The following CDADC1 variants were observed in gnomAD, a reference collection of about 807,000 sequenced individuals.
The protein encoded by CDADC1 is dCTP deaminase.
A neutral mutation model predicts 54.9 loss-of-function variants in CDADC1; 39 were observed. The ratio of observed to expected loss-of-function variants is 0.71; its 90% CI spans 0.55 to 0.93. The LOEUF is 0.93. CDADC1 is among the 40% of genes least tolerant of loss of function. CDADC1 has a pLI of 0.00. For missense variants in CDADC1, 518 were observed against 618.8 expected (o/e 0.84, Z 1.73); for synonymous variants, 186 against 204.0 (o/e 0.91, Z 0.75).
At chr13:49,264,719 TTAAA>T (rs1480628944) in intron 4 of CDADC1, among the ~76,000 whole-genome samples, 1 of 139,238 alleles carries the variant, frequency 7.2e-6, no homozygotes, top group Non-Finnish European at 1.6e-5. Flanking sequence ...TGGTCTCTAT[TTAAA>T]AAAAAAAAAA....
intron 8 of CDADC1, 144 bp from the exon 9 acceptor site, chr13:49,286,078 T>G: frequency 1.7e-6 from 1 of 602,552 alleles, no homozygotes; most frequent in South Asian, 2.3e-5. Context: ...CCTCCCAAAG[T>G]GCTGGGATTA....
chr13:49,265,203 A>G (rs1190929348), intron 4 of CDADC1, among the ~76,000 whole-genome samples: 2 of 152,232 alleles, frequency 1.3e-5, no homozygotes, highest in Non-Finnish European at 2.9e-5. Context: ...ATCTATTTTT[A>G]TAATTGTCAA....
intron 9 of CDADC1, 45 bp downstream of exon 9, chr13:49,286,327 G>T (rs772262138): frequency 7.5e-7 from 1 of 1,336,292 alleles, no homozygotes; most frequent in Admixed American, 1.7e-5. Context: ...TGAGGAGAAA[G>T]GATATACAGT....
chr13:49,266,681 AG>A (rs781294921), intron 4 of CDADC1, among the ~76,000 whole-genome samples: 2 of 152,102 alleles, frequency 1.3e-5, no homozygotes, highest in Non-Finnish European at 2.9e-5. Context: ...TTGGTCATTT[AG>A]GTTTTTGGGT....
chr13:49,282,236 G>GTTTTTTTTTTTTTTTTTTTTTTTTTT (rs759792512), intron 8 of CDADC1, among the ~76,000 whole-genome samples: 5 of 94,142 alleles, frequency 5.3e-5, no homozygotes, highest in East Asian at 3.5e-4. Context: ...GTTTTTGTGG[G>GTTTTTTTTTTTTTTTTTTTTTTTTTT]TTTTTTTTTT....
At chr13:49,253,837 G>A (rs1303778218) in intron 2 of CDADC1, among the ~76,000 whole-genome samples, 2 of 152,006 alleles carry the variant, frequency 1.3e-5, no homozygotes, top group Non-Finnish European at 1.5e-5. Context: ...ATGAGCCACC[G>A]CACCTAGCCT....
intron 3 of CDADC1, among the ~76,000 whole-genome samples, 190 bp downstream of exon 3, chr13:49,256,103 A>G (rs1952541538): frequency 6.7e-6 from 1 of 150,138 alleles, no homozygotes; most frequent in Admixed American, 6.7e-5. Context: ...AGATGGGATT[A>G]TTCTATGCTA....
intron 9 of CDADC1, among the ~76,000 whole-genome samples, chr13:49,290,303 C>T (rs1384045239): frequency 6.6e-6 from 1 of 151,916 alleles, no homozygotes; most frequent in Non-Finnish European, 1.5e-5. Flanking sequence ...CAGTTTTAAA[C>T]AAACTGTAAC....
intron 5 of CDADC1, among the ~76,000 whole-genome samples, chr13:49,271,882 T>A (rs1952973568): frequency 6.6e-6 from 1 of 152,200 alleles, no homozygotes; most frequent in African/African-American, 2.4e-5. Context: ...ATTATAGACA[T>A]GAAAAGATTT....
At chr13:49,253,251 G>C (rs1174865310) in intron 2 of CDADC1, among the ~76,000 whole-genome samples, 1 of 152,124 alleles carries the variant, frequency 6.6e-6, no homozygotes, top group Non-Finnish European at 1.5e-5. Context: ...TTTTAAAATG[G>C]ACAGAAGAAA....
chr13:49,268,069 A>G lies in CDADC1; in HGVS notation c.1000+10A>G, dbSNP rs758108313. 2.0e-5 allele frequency: 32 copies of G among 1,592,384 alleles called. No individual in the cohort carries two copies. Among genetic ancestry groups the G allele is most frequent in the Non-Finnish European group, 2.6e-5 (30 of 1,168,378 alleles). On this transcript the variant is annotated intron_variant, in intron 5 of 9. Coordinates refer to ENST00000251108, the MANE Select transcript of CDADC1 (RefSeq NM_030911.4). Reference sequence around the variant, plus strand: ...TTGGCATATCGAACTGGTGAGTTACATAGATCGTAAATTGGGGCTGATTGG... The same window carrying G: ...TTGGCATATCGAACTGGTGAGTTACGTAGATCGTAAATTGGGGCTGATTGG...
chr13:49,283,028 T>A (rs1484797564), intron 8 of CDADC1, among the ~76,000 whole-genome samples: 1 of 152,212 alleles, frequency 6.6e-6, no homozygotes, highest in East Asian at 1.9e-4. Context: ...TGGCATTGAA[T>A]GAGTTAATGT....
At chr13:49,259,296 G>T in intron 3 of CDADC1, 50 bp from the exon 4 acceptor site, 1 of 1,200,408 alleles carries the variant, frequency 8.3e-7, no homozygotes, top group South Asian at 1.5e-5. Context: ...TCCATAATAT[G>T]ATTATTAGGT....
intron 8 of CDADC1, 40 bp from the exon 9 acceptor site, chr13:49,286,182 A>C (rs1176550698): frequency 6.6e-7 from 1 of 1,504,988 alleles, no homozygotes; most frequent in Non-Finnish European, 9.2e-7. Flanking sequence ...TATGTATTAA[A>C]TCCTCTTTAA....
At chr13:49,269,009 A>G (rs1952897687) in intron 5 of CDADC1, among the ~76,000 whole-genome samples, 1 of 152,248 alleles carries the variant, frequency 6.6e-6, no homozygotes, top group African/African-American at 2.4e-5. Context: ...AGATTTCTCA[A>G]AGTAGAATCA....
chr13:49,254,577 A>G (rs1387919184), intron 2 of CDADC1, among the ~76,000 whole-genome samples: 2 of 151,758 alleles, frequency 1.3e-5, no homozygotes, highest in Admixed American at 6.6e-5. Context: ...TAATTTTTGT[A>G]TTTTTAGTAG....
Position 49,280,524 on chromosome 13 carries a change from A to T in CDADC1, c.1236A>T (p.Lys412Asn). Residue 412 changes from lysine to asparagine, a missense_variant, in exon 8 of 10, where the codon AAA (lysine) becomes AAT (asparagine). By Grantham distance (94) the Lys-to-Asn change is moderately conservative (BLOSUM62 0). Transcript: ENST00000251108. ...NALTFRCQEI[K>N]PEERSMIFVT... ...TTTTTTGTAGGTGTCAAGAAATAAA[A>T]CCAGAAGAAAGAAGCATGATTTTTG... The T allele has an allele frequency of 7.0e-7, 1 of 1,435,654 alleles. No homozygotes were observed. Among genetic ancestry groups the T allele is most frequent in the East Asian group, 2.6e-5 (1 of 39,154 alleles). The allele number at this position is 1,435,654 out of a possible 1,614,324, so 88.9% of individuals were successfully genotyped here. A position where few individuals can be genotyped will look rare whatever the true frequency, so the allele number is the denominator to read the frequency against.
intron 2 of CDADC1, among the ~76,000 whole-genome samples, chr13:49,251,143 C>T (rs1397984180): frequency 6.6e-6 from 1 of 152,136 alleles, no homozygotes; most frequent in African/African-American, 2.4e-5. Context: ...GGTGCAGTGG[C>T]TCATGCCTGT....
At chr13:49,259,849 GAAAA>G (rs58496922) in intron 4 of CDADC1, among the ~76,000 whole-genome samples, 1 of 149,814 alleles carries the variant, frequency 6.7e-6, no homozygotes. Context: ...CTTGTCTCCA[GAAAA>G]AAAAAAACGA....
Sources: allele counts gnomAD v4.1 joint callset (sites outside exome capture counted in the v4.1 genomes callset), GRCh38; gene constraint gnomAD v4.1.1; transcripts MANE v1.5; gene names NCBI Gene and HGNC (gene_info 2026-07-23, HGNC 2026-07-21).